Variants in PLSCR1 observed in about 807,000 individuals in gnomAD.
PLSCR1 encodes phospholipid scramblase 1, also known as PL scramblase 1.
In PLSCR1, 17 loss-of-function variants were observed where a neutral mutation model predicts 37.8. That is an observed-to-expected ratio of 0.45 (90% confidence interval 0.31 to 0.68). The LOEUF (loss-of-function observed/expected upper bound fraction) is 0.68. Ranked by LOEUF, PLSCR1 falls within the 30% of genes least tolerant of loss-of-function variation. The pLI is 0.06. For synonymous variants in PLSCR1, 116 were observed against 125.9 expected, an observed-to-expected ratio of 0.92 and a Z score of 0.53; for missense variants, 347 against 380.9, an observed-to-expected ratio of 0.91 and a Z score of 0.74.
At chr3:146,543,422 T>C (rs981567263) in intron 1 of PLSCR1, among the ~76,000 whole-genome samples, 1 of 152,232 alleles carries the variant, frequency 6.6e-6, no homozygotes, top group African/African-American at 2.4e-5. Flanking sequence ...AGCCCTACTA[T>C]TGTTGTAAAC....
At chr3:146,522,752 A>G (rs921027259) in intron 5 of PLSCR1, among the ~76,000 whole-genome samples, 3 of 152,172 alleles carry the variant, frequency 2.0e-5, no homozygotes, top group Non-Finnish European at 4.4e-5. Flanking sequence ...AGAGGAAGGT[A>G]TCTGTCTCCT....
At chr3:146,541,045 G>A (rs1346477077) in intron 1 of PLSCR1, 3 of 152,054 alleles carry the variant, frequency 2.0e-5, no homozygotes, top group East Asian at 1.9e-4. Context: ...GGGCAAGCAG[G>A]TGGTGAGGCT....
chr3:146,533,439 T>A, intron 3 of PLSCR1, 31 bp downstream of exon 3: 1 of 1,286,510 alleles, frequency 7.8e-7, no homozygotes, highest in Non-Finnish European at 1.1e-6. Flanking sequence ...TCAATTAATT[T>A]TACTTTTTCT....
intron 4 of PLSCR1, chr3:146,528,002 C>T (rs2044143102): frequency 6.6e-6 from 1 of 152,124 alleles, no homozygotes; most frequent in Non-Finnish European, 1.5e-5. Flanking sequence ...AGAACAAAAG[C>T]AGCATCATAA....
chr3:146,527,821 A>G, intron 4 of PLSCR1: 1 of 152,352 alleles, frequency 6.6e-6, no homozygotes, highest in African/African-American at 2.4e-5. Context: ...GAATATTTGT[A>G]TGTGTATAGA....
intron 7 of PLSCR1, 136 bp downstream of exon 7, chr3:146,521,408 T>A: frequency 2.6e-6 from 2 of 769,316 alleles, no homozygotes; most frequent in Non-Finnish European, 4.2e-6. Context: ...TGCCCAAAGT[T>A]AAATAAATGA....
At position 146,544,306 on chromosome 3, in the gene PLSCR1, C is replaced by T. The variant is rs561823175; in HGVS notation, c.-14+161G>A. Among the ~76,000 whole-genome samples, 208 of 152,298 alleles carry T rather than the reference C, an allele frequency of 1.4e-3. 1 individual carries two copies. The highest frequency in any genetic ancestry group is 4.8e-3 in the African/African-American group (198 of 41,574). On this transcript the variant is annotated intron_variant, in intron 1 of 8. Transcript: ENST00000342435. The stretch of plus-strand genomic sequence containing the variant: ...ATTTCTGGCCCCAACCTTCACCCCA[C>T]ATCCTCCACCCCCAGAGCAGCAAAC...
chr3:146,527,384 T>C (rs1465034790), intron 4 of PLSCR1, among the ~76,000 whole-genome samples: 2 of 152,212 alleles, frequency 1.3e-5, no homozygotes, highest in Non-Finnish European at 2.9e-5. Flanking sequence ...GTGACAGATA[T>C]GCTAATTATC....
At chr3:146,519,303 G>GA (rs952049546) in intron 7 of PLSCR1, among the ~76,000 whole-genome samples, 2 of 151,664 alleles carry the variant, frequency 1.3e-5, no homozygotes, top group African/African-American at 2.4e-5. Flanking sequence ...GAGAGGGCAG[G>GA]AAAAAAAATC....
chr3:146,527,982 G>C (rs2044142646), intron 4 of PLSCR1: 2 of 151,976 alleles, frequency 1.3e-5, no homozygotes, highest in South Asian at 2.1e-4. Context: ...TATAAAATTA[G>C]GTCTTCCAAA....
chr3:146,532,649 G>A lies in PLSCR1; in HGVS notation c.94+821C>T, dbSNP rs117222775. ...TTGTTTACTCAGAGAAGAAAACACAGTGGGTACATCCTTCTATCCAAACCA... is the reference window on the plus strand; with the variant it reads ...TTGTTTACTCAGAGAAGAAAACACAATGGGTACATCCTTCTATCCAAACCA... On this transcript the variant is annotated intron_variant, in intron 3 of 8. Transcript: ENST00000342435. Among the ~76,000 whole-genome samples, 15 of 152,322 alleles carry A rather than the reference G, an allele frequency of 9.8e-5. No homozygotes were observed. In the East Asian group the frequency reaches 2.9e-3, roughly 29 times the overall value.
At chr3:146,538,716 A>T (rs1560091129) in intron 1 of PLSCR1, among the ~76,000 whole-genome samples, 1 of 151,542 alleles carries the variant, frequency 6.6e-6, no homozygotes, top group Non-Finnish European at 1.5e-5. Flanking sequence ...TTTATTTTTT[A>T]TTTTTTTTTA....
chr3:146,529,924 A>G (rs1182565687), intron 3 of PLSCR1, among the ~76,000 whole-genome samples: 3 of 152,204 alleles, frequency 2.0e-5, no homozygotes, highest in African/African-American at 7.2e-5. Flanking sequence ...CTTCATTAAA[A>G]TAAAATTCTA....
rs561989234 is a variant in PLSCR1 at position 146,533,691 on chromosome 3, G to T, written c.14-141C>A. 17 of 446,922 alleles carry T rather than the reference G, an allele frequency of 3.8e-5. No homozygotes were observed. In the Admixed American group the frequency reaches 6.1e-4, roughly 16 times the overall value. The allele number at this position is 446,922 out of a possible 1,614,324, so 27.7% of individuals were successfully genotyped here. The stretch of plus-strand genomic sequence containing the variant: ...AGGGAAAGTAAAATTTTCACTTAAC[G>T]TAAGCTGTGCCTGTTCTCAGAGCTA... On this transcript the variant is annotated intron_variant, in intron 2 of 8. Coordinates refer to ENST00000342435, the MANE Select transcript of PLSCR1 (RefSeq NM_021105.3).
intron 7 of PLSCR1, among the ~76,000 whole-genome samples, chr3:146,518,144 C>T (rs1024651056): frequency 1.3e-5 from 2 of 152,144 alleles, no homozygotes; most frequent in African/African-American, 4.8e-5. Flanking sequence ...CTTCCTGTTC[C>T]TTCATAATTA....
At chr3:146,542,376 C>A (rs576800788) in intron 1 of PLSCR1, among the ~76,000 whole-genome samples, 1 of 152,266 alleles carries the variant, frequency 6.6e-6, no homozygotes, top group African/African-American at 2.4e-5. Flanking sequence ...AACCCCACCA[C>A]CCCAGCCTAA....
chr3:146,522,450 G>A (rs1411335885), intron 5 of PLSCR1, among the ~76,000 whole-genome samples: 3 of 152,038 alleles, frequency 2.0e-5, no homozygotes, highest in Non-Finnish European at 4.4e-5. Flanking sequence ...ATGGATTAAG[G>A]GCTGTGCAGG....
Position 146,543,143 on chromosome 3 carries a change from G to A in PLSCR1, c.-14+1324C>T, listed in dbSNP as rs978084665. 6.6e-5 allele frequency among the ~76,000 whole-genome samples: 10 copies of A among 152,118 alleles called. 1 individual carries two copies. The East Asian group carries it at 1.4e-3, about 21-fold the overall frequency. On this transcript the variant is annotated intron_variant, in intron 1 of 8. Coordinates refer to ENST00000342435, the MANE Select transcript of PLSCR1 (RefSeq NM_021105.3). ...GGTAGAATTCCTGAGCTGGAGGAAC[G>A]TCCCTCATTCAAGTAAAGGAAGACG...
chr3:146,533,858 T>C (rs886393133), intron 2 of PLSCR1, among the ~76,000 whole-genome samples: 2 of 152,156 alleles, frequency 1.3e-5, no homozygotes, highest in South Asian at 2.1e-4. Flanking sequence ...AAAACAAAGA[T>C]AGCTTTAAAA....
Sources: allele counts gnomAD v4.1 joint callset (sites outside exome capture counted in the v4.1 genomes callset), GRCh38; gene constraint gnomAD v4.1.1; transcripts MANE v1.5; gene names NCBI Gene and HGNC (gene_info 2026-07-23, HGNC 2026-07-21).